The following ZBTB26 variants were observed in gnomAD, a reference collection of about 807,000 sequenced individuals.
ZBTB26 encodes the protein zinc finger and BTB domain containing 26, also known as zinc finger and BTB domain-containing protein 26.
Under a neutral mutation model 31.6 loss-of-function variants are expected in ZBTB26, and 12 were observed. The observed-to-expected ratio is 0.38, with a 90% CI of 0.24 to 0.61. The LOEUF (loss-of-function observed/expected upper bound fraction) is 0.61, where lower values mean the gene tolerates loss of function less well. Ranked by LOEUF, ZBTB26 falls within the 20% of genes least tolerant of loss-of-function variation. The pLI is 0.60. For synonymous variants in ZBTB26, 155 were observed against 182.9 expected (o/e 0.85, Z 1.23); for missense variants, 311 against 521.9 (o/e 0.60, Z 3.94).
chr9:122,930,812 T>A (rs1833264773), intron 1 of ZBTB26, among the ~76,000 whole-genome samples: 1 of 152,196 alleles, frequency 6.6e-6, no homozygotes, highest in African/African-American at 2.4e-5. Flanking sequence ...AATTCAGACA[T>A]CACTTTCTTT....
chr9:122,923,828 T>C (rs1311966043), intron 1 of ZBTB26, among the ~76,000 whole-genome samples: 3 of 152,232 alleles, frequency 2.0e-5, no homozygotes, highest in African/African-American at 7.2e-5. Context: ...CATATGACAG[T>C]GTTTTGTTCA....
chr9:122,928,678 A>G (rs563352774), intron 1 of ZBTB26, among the ~76,000 whole-genome samples: 1 of 152,212 alleles, frequency 6.6e-6, no homozygotes, highest in African/African-American at 2.4e-5. Context: ...TTACCTCCCT[A>G]TGTTAACAAT....
chr9:122,926,904 C>T (rs955438849), intron 1 of ZBTB26, among the ~76,000 whole-genome samples: 2 of 152,154 alleles, frequency 1.3e-5, no homozygotes, highest in Non-Finnish European at 2.9e-5. Flanking sequence ...CAATCCCCAA[C>T]TGTAGGTAAC....
intron 1 of ZBTB26, among the ~76,000 whole-genome samples, chr9:122,924,246 A>G (rs1299003573): frequency 6.6e-6 from 1 of 152,238 alleles, no homozygotes; most frequent in Non-Finnish European, 1.5e-5. Flanking sequence ...TAAGAATGTG[A>G]GCAAAATTTA....
intron 1 of ZBTB26, among the ~76,000 whole-genome samples, chr9:122,921,088 C>G (rs1833090771): frequency 6.6e-6 from 1 of 152,164 alleles, no homozygotes; most frequent in Non-Finnish European, 1.5e-5. Context: ...AAAACCCATT[C>G]AACAATGGAG....
chr9:122,918,400 T>C lies in ZBTB26; in HGVS notation c.*209A>G, dbSNP rs574037741. The stretch of plus-strand genomic sequence containing the variant: ...GGAAAGGAAAACAGACTTTACAAGA[T>C]AAATAACTCAAAACAGAAAATGGGA... On this transcript the variant is annotated 3_prime_UTR_variant, in exon 2 of 2. Coordinates refer to ENST00000373656, the MANE Select transcript of ZBTB26 (RefSeq NM_020924.4). The C allele has an allele frequency of 1.1e-4, 66 of 608,820 alleles. 1 individual carries two copies. The highest frequency in any genetic ancestry group is 7.2e-4 in the African/African-American group (39 of 53,880). 37.7% of individuals were successfully genotyped at this position (608,820 alleles called of 1,614,324 possible).
chr9:122,918,590 G>T lies in ZBTB26; in HGVS notation c.*19C>A, dbSNP rs544139548. On this transcript the variant is annotated 3_prime_UTR_variant, in exon 2 of 2. Transcript: ENST00000373656. ...GCCACATTGTCAGTCAGTTCGAGTT[G>T]TGAGCATGAAGCCCCTACTCAATTC... 10 of 1,596,636 alleles carry T rather than the reference G, an allele frequency of 6.3e-6. No individual in the cohort carries two copies. The African/African-American group carries it at 1.2e-4, about 19-fold the overall frequency.
chr9:122,930,656 C>T (rs1365387249), intron 1 of ZBTB26, among the ~76,000 whole-genome samples: 3 of 152,170 alleles, frequency 2.0e-5, no homozygotes. Flanking sequence ...GGACCTCGGT[C>T]GACTTTCCCA....
chr9:122,922,137 C>T (rs1334109183), intron 1 of ZBTB26, among the ~76,000 whole-genome samples: 1 of 151,956 alleles, frequency 6.6e-6, no homozygotes, highest in Non-Finnish European at 1.5e-5. Flanking sequence ...ACTCAGGAGG[C>T]CAAGGCTGGA....
In ZBTB26 at chr9:122,915,778, G is replaced by C. The variant is rs1364979826; in HGVS notation, c.*2831C>G. 1.3e-5 allele frequency: 2 copies of C among 152,132 alleles called. No homozygotes were observed. Among genetic ancestry groups the C allele is most frequent in the African/African-American group, 4.8e-5 (2 of 41,426 alleles). The allele number at this position is 152,132 out of a possible 1,614,324, so 9.4% of individuals were successfully genotyped here. ...AGAAACTTAAATTAAAATCATATCT[G>C]ATTTACCTCAGAGCCACTTCAGTTT... On this transcript the variant is annotated 3_prime_UTR_variant, in exon 2 of 2. Coordinates refer to ENST00000373656, the MANE Select transcript of ZBTB26 (RefSeq NM_020924.4).
At chr9:122,929,867 A>G (rs1386412410) in intron 1 of ZBTB26, among the ~76,000 whole-genome samples, 2 of 152,146 alleles carry the variant, frequency 1.3e-5, no homozygotes, top group African/African-American at 2.4e-5. Flanking sequence ...GCATGAATTG[A>G]TCCAGTGGTC....
Position 122,919,145 on chromosome 9 carries a change from C to T in ZBTB26, c.790G>A (p.Gly264Ser). Residue 264 changes from glycine (G) to serine (S), a missense_variant, in exon 2 of 2, where the codon GGT becomes AGT. Physicochemically the swap from Gly to Ser is moderately conservative, Grantham distance 56. Around this residue, in one of 5 missense-constraint regions of ZBTB26, gnomAD observed 207 missense variants for 298.6 expected, o/e 0.69. Coordinates refer to ENST00000373656, the MANE Select transcript of ZBTB26 (RefSeq NM_020924.4). This position sits in a 1 kb window ranked among gnomAD's most constrained non-coding sequence, Gnocchi z 6.1. The stretch of plus-strand genomic sequence containing the variant: ...TGCCACTGTAGGCCTTTGTCTACAC[C>T]TCGAATATTAGGGCCAAAGACATCT... ...SKDVFGPNIR[G>S]VDKGLQWHHQ... 6.2e-7 allele frequency: 1 copy of T among 1,614,172 alleles called. No individual in the cohort carries two copies.
chr9:122,921,410 G>A (rs540163635), intron 1 of ZBTB26, among the ~76,000 whole-genome samples: 2 of 152,302 alleles, frequency 1.3e-5, no homozygotes, highest in South Asian at 4.1e-4. Flanking sequence ...GAAATTCACT[G>A]AATTTTATGT....
chr9:122,919,686 T>C lies in ZBTB26; in HGVS notation c.249A>G (p.Gln83=), dbSNP rs911265023. 6.2e-7 allele frequency: 1 copy of C among 1,614,218 alleles called. No individual in the cohort carries two copies. The highest frequency in any genetic ancestry group is 8.5e-7 in the Non-Finnish European group (1 of 1,180,034). The change falls in exon 2 of 2, where the codon CAA becomes CAG. Residue 83 remains glutamine, a synonymous_variant. Transcript: ENST00000373656. This position sits in a 1 kb window ranked among gnomAD's most constrained non-coding sequence, Gnocchi z 6.1. ...CACCACTATAACAGGATAAGAGCAA[T>C]TGTCTCCCCACTTCGGAACTCTGTA... ...SILQSSEVGR[Q]LLLSCYSGVL... is the part of the protein sequence containing the mutation.
In ZBTB26 at chr9:122,916,799, A is replaced by G. The variant is rs1455773428; in HGVS notation, c.*1810T>C. The G allele has an allele frequency of 6.6e-6, 1 of 152,092 alleles. No homozygotes were observed. Among genetic ancestry groups the G allele is most frequent in the Non-Finnish European group, 1.5e-5 (1 of 68,034 alleles). The allele number at this position is 152,092 out of a possible 1,614,324, so 9.4% of individuals were successfully genotyped here. On this transcript the variant is annotated 3_prime_UTR_variant, in exon 2 of 2. Coordinates refer to ENST00000373656, the MANE Select transcript of ZBTB26 (RefSeq NM_020924.4). ...AAATCATACTTCACATCTGACTCAC[A>G]TGATGATAATTTACATATGATAACA...
Position 122,918,341 on chromosome 9 carries a change from T to A in ZBTB26, c.*268A>T. On this transcript the variant is annotated 3_prime_UTR_variant, in exon 2 of 2. Transcript: ENST00000373656. ...AAACAGTGTCAGTCTAAGACATAAG[T>A]CAATGTTAGGTAGACAAAAGGAATT... 2.4e-6 allele frequency: 1 copy of A among 424,938 alleles called. No individual in the cohort carries two copies. Among genetic ancestry groups the A allele is most frequent in the Non-Finnish European group, 4.2e-6 (1 of 238,580 alleles). The allele number at this position is 424,938 out of a possible 1,614,324, so 26.3% of individuals were successfully genotyped here. A position where few individuals can be genotyped will look rare whatever the true frequency, so the allele number is the denominator to read the frequency against.
chr9:122,922,806 A>T (rs191172586), intron 1 of ZBTB26, among the ~76,000 whole-genome samples: 16 of 152,220 alleles, frequency 1.1e-4, no homozygotes, highest in Non-Finnish European at 1.9e-4. Context: ...TATTTCAAAG[A>T]ACTTGGTAAC....
rs755231715 is a variant in ZBTB26 at position 122,917,771 on chromosome 9, T to G, written c.*838A>C. ...CTCTTTTTAGAGAGCCCACTATACT[T>G]TAGCACATTTTTAGCGTGCCTGGAG... is the stretch of plus-strand genomic sequence containing the variant. On this transcript the variant is annotated 3_prime_UTR_variant, in exon 2 of 2. Transcript: ENST00000373656. The G allele has an allele frequency of 6.6e-6, 1 of 152,182 alleles. No individual in the cohort carries two copies. The highest frequency in any genetic ancestry group is 1.5e-5 in the Non-Finnish European group (1 of 68,028). The allele number at this position is 152,182 out of a possible 1,614,324, so 9.4% of individuals were successfully genotyped here.
chr9:122,923,976 G>C lies in ZBTB26; in HGVS notation c.-10-4032C>G, dbSNP rs572009194. 5.9e-5 allele frequency among the ~76,000 whole-genome samples: 9 copies of C among 152,278 alleles called. No homozygotes were observed. In the East Asian group the frequency reaches 1.2e-3, roughly 20 times the overall value. ...TTCAGTATAGTAACATGTGGTACAG[G>C]TTTATAACCAAGGAGCAACAGGCTG... On this transcript the variant is annotated intron_variant, in intron 1 of 1. Coordinates refer to ENST00000373656, the MANE Select transcript of ZBTB26 (RefSeq NM_020924.4).
Sources: gnomAD v4.1 joint callset for allele counts (sites outside exome capture counted in the v4.1 genomes callset) on GRCh38, gnomAD v4.1.1 for gene constraint, gnomAD v4.1.1 regional missense constraint, Gnocchi (gnomAD v3.1) non-coding constraint, MANE v1.5 for transcripts, NCBI Gene and HGNC (gene_info 2026-07-23, HGNC 2026-07-21) for gene names.